SPOCK3: variants seen among roughly 807,000 people sequenced by gnomAD.
SPOCK3 encodes the protein testican-3.
A neutral mutation model predicts 56.6 loss-of-function variants in SPOCK3; 30 were observed. The ratio of observed to expected loss-of-function variants is 0.53; its 90% confidence interval spans 0.40 to 0.72. SPOCK3 has a LOEUF of 0.72. Ranked by LOEUF, SPOCK3 falls within the 30% of genes least tolerant of loss-of-function variation. The pLI is 0.00. For missense variants in SPOCK3, 527 were observed against 530.0 expected (o/e 0.99, Z 0.06); for synonymous variants, 196 against 183.3 (o/e 1.07, Z -0.56).
rs140054704 is a variant in SPOCK3 at position 166,868,070 on chromosome 4, G to A, written c.589+21060C>T. Among the ~76,000 whole-genome samples, 375 of 151,930 alleles carry A rather than the reference G, an allele frequency of 2.5e-3. 5 individuals carry two copies. The highest frequency in any genetic ancestry group is 8.1e-3 in the African/African-American group (336 of 41,454). ...GTTGTAATTTTAAGGAAATAAATTA[G>A]CTAACTGCAAACCACTATATAATTT... is the stretch of plus-strand genomic sequence containing the variant. On this transcript the variant is annotated intron_variant, in intron 6 of 10. Transcript: ENST00000357545.
intron 2 of SPOCK3, among the ~76,000 whole-genome samples, chr4:167,140,178 T>C (rs1763421408): frequency 6.6e-6 from 1 of 152,076 alleles, no homozygotes; most frequent in Non-Finnish European, 1.5e-5. Context: ...TTAGTTTACT[T>C]TTAAATTTGA....
chr4:167,119,488 G>A (rs1312715394), intron 2 of SPOCK3, among the ~76,000 whole-genome samples: 2 of 151,914 alleles, frequency 1.3e-5, no homozygotes, highest in Non-Finnish European at 2.9e-5. Context: ...ATAAATAACA[G>A]GTTACTAAAG....
intron 6 of SPOCK3, among the ~76,000 whole-genome samples, chr4:166,864,504 G>A (rs1731579224): frequency 6.6e-6 from 1 of 151,818 alleles, no homozygotes; most frequent in African/African-American, 2.4e-5. Flanking sequence ...GCCTGTTTTT[G>A]TAAAAGATTA....
intron 2 of SPOCK3, among the ~76,000 whole-genome samples, chr4:167,103,752 T>C (rs1759855363): frequency 6.6e-6 from 1 of 152,134 alleles, no homozygotes; most frequent in Non-Finnish European, 1.5e-5. Flanking sequence ...ACATAGGCAG[T>C]AGCCAGGTAG....
At chr4:167,189,618 TTG>T (rs756049129) in intron 2 of SPOCK3, among the ~76,000 whole-genome samples, 3 of 144,498 alleles carry the variant, frequency 2.1e-5, no homozygotes, top group Non-Finnish European at 4.5e-5. Flanking sequence ...ATAGCTACCA[TTG>T]TGTGTGTGTG....
intron 6 of SPOCK3, among the ~76,000 whole-genome samples, chr4:166,852,247 T>G (rs542874607): frequency 1.1e-4 from 16 of 152,118 alleles, no homozygotes; most frequent in South Asian, 8.3e-4. Context: ...TGTATACATA[T>G]GTAACTAACC....
chr4:166,795,471 A>G (rs939086677), intron 6 of SPOCK3, among the ~76,000 whole-genome samples: 9 of 152,234 alleles, frequency 5.9e-5, no homozygotes, highest in African/African-American at 2.2e-4. Context: ...TTTACGTATA[A>G]AACTTTTGAA....
intron 6 of SPOCK3, among the ~76,000 whole-genome samples, chr4:166,795,028 G>C (rs1741778475): frequency 2.0e-5 from 3 of 152,124 alleles, no homozygotes; most frequent in Non-Finnish European, 4.4e-5. Flanking sequence ...TTCAGCACTT[G>C]TTTAATAGCA....
intron 2 of SPOCK3, among the ~76,000 whole-genome samples, chr4:167,170,584 C>T (rs1293853859): frequency 6.6e-6 from 1 of 152,122 alleles, no homozygotes; most frequent in Non-Finnish European, 1.5e-5. Flanking sequence ...AAGACCAAAG[C>T]ACACACGAGT....
In SPOCK3 at chr4:167,019,822, C is replaced by A. The variant is rs1042347725; in HGVS notation, c.236-19359G>T. Among the ~76,000 whole-genome samples, 2 of 152,030 alleles carry A rather than the reference C, an allele frequency of 1.3e-5. 1 individual carries two copies. The highest frequency in any genetic ancestry group is 4.1e-4 in the South Asian group (2 of 4,832). On this transcript the variant is annotated intron_variant, in intron 3 of 10. Transcript: ENST00000357545. ...TGTGACTGAATTCTAATTGATAGAA[C>A]ATAAATAAAAGCAATGTGTACCAAT...
intron 3 of SPOCK3, among the ~76,000 whole-genome samples, chr4:167,025,085 G>T (rs1162167617): frequency 6.6e-6 from 1 of 152,046 alleles, no homozygotes; most frequent in Non-Finnish European, 1.5e-5. Context: ...TCTAGAAATA[G>T]ATGCAGTGTG....
intron 4 of SPOCK3, among the ~76,000 whole-genome samples, chr4:166,915,298 C>A (rs887990499): frequency 1.3e-5 from 2 of 152,026 alleles, no homozygotes; most frequent in Non-Finnish European, 2.9e-5. Context: ...GTACATTCTG[C>A]ACATGTATCC....
chr4:166,841,009 A>G (rs985114541), intron 6 of SPOCK3, among the ~76,000 whole-genome samples: 1 of 151,366 alleles, frequency 6.6e-6, no homozygotes, highest in African/African-American at 2.4e-5. Flanking sequence ...CGATCTCCTG[A>G]CCTCATGATC....
At chr4:166,990,112 T>C (rs1051258624) in intron 4 of SPOCK3, among the ~76,000 whole-genome samples, 1 of 152,178 alleles carries the variant, frequency 6.6e-6, no homozygotes, top group African/African-American at 2.4e-5. Flanking sequence ...AGGAAACTAG[T>C]ACCTGCCCTG....
intron 2 of SPOCK3, among the ~76,000 whole-genome samples, chr4:167,174,887 T>C (rs1421686475): frequency 2.6e-5 from 4 of 152,134 alleles, no homozygotes; most frequent in African/African-American, 9.7e-5. Flanking sequence ...CTTTTTTTTT[T>C]CTTTTGTAAT....
chr4:166,748,806 C>T lies in SPOCK3; in HGVS notation c.931+5702G>A, dbSNP rs1484023351. Among the ~76,000 whole-genome samples, 2 of 136,870 alleles carry T rather than the reference C, an allele frequency of 1.5e-5. 1 individual carries two copies. 89.8% of individuals were successfully genotyped at this position (136,870 alleles called of 152,430 possible). ...AATTTATAAGAAAAAAATCAAACAACCCCATCAAAAAGTGGGTAAAGGATA... is the reference window on the plus strand; with the variant it reads ...AATTTATAAGAAAAAAATCAAACAATCCCATCAAAAAGTGGGTAAAGGATA... On this transcript the variant is annotated intron_variant, in intron 8 of 10. Transcript: ENST00000357545.
At chr4:166,989,554 A>G (rs1435871374) in intron 4 of SPOCK3, among the ~76,000 whole-genome samples, 1 of 152,126 alleles carries the variant, frequency 6.6e-6, no homozygotes, top group African/African-American at 2.4e-5. Context: ...AAGTTTGGAA[A>G]TGAATTATGT....
chr4:167,209,782 A>C (rs1734688143), intron 2 of SPOCK3, among the ~76,000 whole-genome samples: 1 of 152,180 alleles, frequency 6.6e-6, no homozygotes, highest in Non-Finnish European at 1.5e-5. Flanking sequence ...GTTACAATAT[A>C]CAAAAAAAAT....
intron 2 of SPOCK3, among the ~76,000 whole-genome samples, chr4:167,205,264 ATC>A (rs1436823588): frequency 4.1e-5 from 3 of 73,560 alleles, no homozygotes; most frequent in African/African-American, 5.7e-5. Context: ...TATATTTTAT[ATC>A]TATAATATAT....
Sources: gnomAD v4.1 joint callset for allele counts (sites outside exome capture counted in the v4.1 genomes callset) on GRCh38, gnomAD v4.1.1 for gene constraint, MANE v1.5 for transcripts, NCBI Gene and HGNC (gene_info 2026-07-23, HGNC 2026-07-21) for gene names.